Variants in CBLB observed in about 807,000 individuals in gnomAD.
CBLB encodes E3 ubiquitin-protein ligase CBL-B.
Under a neutral mutation model 104.9 loss-of-function variants are expected in CBLB, and 31 were observed. That is an observed-to-expected ratio of 0.30 (90% CI 0.22 to 0.40). The LOEUF is 0.40. Ranked by LOEUF, CBLB falls within the 10% of genes least tolerant of loss-of-function variation. The pLI, the probability that CBLB is intolerant of heterozygous loss-of-function variation, is 1.00. For missense variants in CBLB, 1,062 were observed against 1,214.6 expected (o/e 0.87, Z 1.87); for synonymous variants, 440 against 422.6 (o/e 1.04, Z -0.51).
intron 3 of CBLB, among the ~76,000 whole-genome samples, chr3:105,779,453 TGAAA>T (rs1341536570): frequency 6.6e-6 from 1 of 152,204 alleles, no homozygotes; most frequent in Non-Finnish European, 1.5e-5. Context: ...CCTTTAGTCT[TGAAA>T]GAAACTCAAG....
chr3:105,853,330 T>C, intron 3 of CBLB, 84 bp downstream of exon 3: 1 of 1,401,276 alleles, frequency 7.1e-7, no homozygotes, highest in Non-Finnish European at 1.0e-6. Context: ...CCAAAACAAT[T>C]ACATGGTGAC....
chr3:105,744,726 T>C (rs1431102468), intron 6 of CBLB, among the ~76,000 whole-genome samples: 2 of 151,750 alleles, frequency 1.3e-5, no homozygotes, highest in African/African-American at 2.4e-5. Flanking sequence ...GGTCAGGAGA[T>C]CAAGACCATC....
chr3:105,739,835 T>C (rs1249855986), intron 7 of CBLB, among the ~76,000 whole-genome samples: 1 of 152,178 alleles, frequency 6.6e-6, no homozygotes, highest in Non-Finnish European at 1.5e-5. Context: ...CTGGGCACAG[T>C]GGCTCATGCC....
At chr3:105,679,677 G>GA (rs2066076618) in intron 16 of CBLB, among the ~76,000 whole-genome samples, 1 of 152,004 alleles carries the variant, frequency 6.6e-6, no homozygotes, top group Admixed American at 6.6e-5. Context: ...TCGGGAGGCT[G>GA]AGGCAGGGGA....
chr3:105,829,186 T>C (rs533714845), intron 3 of CBLB, among the ~76,000 whole-genome samples: 7 of 152,240 alleles, frequency 4.6e-5, no homozygotes, highest in Non-Finnish European at 7.4e-5. Flanking sequence ...TTCATATAGC[T>C]CCTAAAATAT....
chr3:105,713,088 A>G (rs2071334623), intron 10 of CBLB, among the ~76,000 whole-genome samples: 1 of 152,118 alleles, frequency 6.6e-6, no homozygotes, highest in Non-Finnish European at 1.5e-5. Flanking sequence ...TGGGCATTAG[A>G]GTGAGACCCC....
chr3:105,863,196 T>A (rs1327300181), intron 2 of CBLB, among the ~76,000 whole-genome samples: 1 of 152,214 alleles, frequency 6.6e-6, no homozygotes, highest in African/African-American at 2.4e-5. Flanking sequence ...AAGGTAAGTC[T>A]TCATATGATT....
At chr3:105,789,143 T>TA (rs1355494744) in intron 3 of CBLB, among the ~76,000 whole-genome samples, 5 of 152,268 alleles carry the variant, frequency 3.3e-5, no homozygotes, top group Admixed American at 2.0e-4. Context: ...AATAAATAAT[T>TA]AGCTTAGAAA....
At chr3:105,785,433 C>G (rs1032772754) in intron 3 of CBLB, among the ~76,000 whole-genome samples, 1 of 151,580 alleles carries the variant, frequency 6.6e-6, no homozygotes, top group African/African-American at 2.4e-5. Flanking sequence ...TTTTTTCTTT[C>G]TTCATGAATG....
At chr3:105,707,016 T>C (rs2070253727) in intron 10 of CBLB, among the ~76,000 whole-genome samples, 1 of 152,206 alleles carries the variant, frequency 6.6e-6, no homozygotes, top group Admixed American at 6.6e-5. Context: ...CTAGATTGGA[T>C]TAATTACTAA....
At chr3:105,696,570 G>A (rs532385127) in intron 12 of CBLB, among the ~76,000 whole-genome samples, 1 of 151,934 alleles carries the variant, frequency 6.6e-6, no homozygotes, top group South Asian at 2.1e-4. Flanking sequence ...AGTTCACACT[G>A]AAACCTCACT....
chr3:105,759,542 C>T (rs970289097), intron 4 of CBLB, among the ~76,000 whole-genome samples: 12 of 152,226 alleles, frequency 7.9e-5, no homozygotes, highest in Non-Finnish European at 1.2e-4. Context: ...CCCCGTCGGC[C>T]TCCCTCCAGT....
chr3:105,689,172 A>C (rs1004612076), intron 13 of CBLB, among the ~76,000 whole-genome samples: 7 of 152,068 alleles, frequency 4.6e-5, no homozygotes, highest in Non-Finnish European at 8.8e-5. Context: ...CCCTAACTAG[A>C]GCTTAAATTC....
intron 3 of CBLB, among the ~76,000 whole-genome samples, chr3:105,821,643 G>T (rs2085879035): frequency 6.6e-6 from 1 of 152,142 alleles, no homozygotes; most frequent in Non-Finnish European, 1.5e-5. Flanking sequence ...GAACACACAA[G>T]AAAGTACTGC....
At chr3:105,731,371 T>G (rs960031423) in intron 9 of CBLB, among the ~76,000 whole-genome samples, 1 of 152,204 alleles carries the variant, frequency 6.6e-6, no homozygotes, top group Non-Finnish European at 1.5e-5. Flanking sequence ...CATTTTACCC[T>G]AGGCTAATTG....
At chr3:105,789,064 C>T (rs114333870) in intron 3 of CBLB, among the ~76,000 whole-genome samples, 1,598 of 152,266 alleles carry the variant, frequency 0.01, 10 homozygotes, top group Non-Finnish European at 0.015. Context: ...GGTAAACCCA[C>T]AAAACCATGA....
At chr3:105,761,868 A>T (rs748568124) in intron 4 of CBLB, among the ~76,000 whole-genome samples, 7 of 152,166 alleles carry the variant, frequency 4.6e-5, no homozygotes, top group Non-Finnish European at 1.0e-4. Context: ...CTTCCTAGAC[A>T]CTTGTTGAAT....
At chr3:105,740,413 C>T in intron 7 of CBLB, 81 bp downstream of exon 7, 1 of 1,425,384 alleles carries the variant, frequency 7.0e-7, no homozygotes, top group African/African-American at 1.4e-5. Context: ...GCCTTGCTAT[C>T]CATTTTCGCC....
At chr3:105,720,312 A>C (rs1373437597) in intron 9 of CBLB, 62 bp from the exon 10 acceptor site, 4 of 1,437,800 alleles carry the variant, frequency 2.8e-6, no homozygotes, top group Non-Finnish European at 3.8e-6. Context: ...GAGAAATGCT[A>C]ATAATGTTCT....
Sources: gnomAD v4.1 joint callset for allele counts (sites outside exome capture counted in the v4.1 genomes callset) on GRCh38, gnomAD v4.1.1 for gene constraint, MANE v1.5 for transcripts, NCBI Gene and HGNC (gene_info 2026-07-23, HGNC 2026-07-21) for gene names.